Variants in ALDH1L1 observed in about 807,000 individuals in gnomAD.
The protein encoded by ALDH1L1 is cytosolic 10-formyltetrahydrofolate dehydrogenase.
ALDH1L1 carries 68 observed loss-of-function variants against 101.1 expected under a neutral mutation model. That is an observed-to-expected ratio of 0.67 (90% CI 0.55 to 0.82). The LOEUF (loss-of-function observed/expected upper bound fraction) is 0.82. Among genes scored for constraint, ALDH1L1 ranks in the 40% least tolerant of loss-of-function variants. The pLI is 0.00. For synonymous variants in ALDH1L1, 486 were observed against 470.8 expected, an observed-to-expected ratio of 1.03 and a Z score of -0.42; for missense variants, 1,087 against 1,172.7, an observed-to-expected ratio of 0.93 and a Z score of 1.07.
intron 1 of ALDH1L1, 131 bp downstream of exon 1, chr3:126,180,345 G>T: frequency 1.5e-6 from 1 of 667,436 alleles, no homozygotes; most frequent in Non-Finnish European, 1.9e-6. Flanking sequence ...GAAGTTGATG[G>T]GCCCCGCAGG....
At chr3:126,152,276 C>T (rs4646716) in intron 7 of ALDH1L1, 22,912 of 152,208 alleles carry the variant, frequency 0.15, 1,777 homozygotes, top group East Asian at 0.22. Context: ...CCAGGCTAGA[C>T]TTCTCCTGAA....
intron 1 of ALDH1L1, among the ~76,000 whole-genome samples, chr3:126,177,246 G>A (rs570256494): frequency 2.6e-5 from 4 of 152,298 alleles, no homozygotes; most frequent in African/African-American, 9.6e-5. Context: ...ACAAAAACCT[G>A]CACACAAATG....
chr3:126,187,316 A>G (rs2081525871), intron 1 of ALDH1L1, among the ~76,000 whole-genome samples: 1 of 152,086 alleles, frequency 6.6e-6, no homozygotes, highest in Non-Finnish European at 1.5e-5. Flanking sequence ...ACAGCATCAT[A>G]ACCAGAAGGA....
intron 1 of ALDH1L1, among the ~76,000 whole-genome samples, chr3:126,191,803 A>G (rs954288586): frequency 7.2e-5 from 11 of 152,192 alleles, no homozygotes; most frequent in Non-Finnish European, 1.6e-4. Flanking sequence ...CTTTATGTGC[A>G]AGTTGCTGTA....
At chr3:126,110,246 T>G in intron 19 of ALDH1L1, 137 bp from the exon 20 acceptor site, 1 of 1,144,160 alleles carries the variant, frequency 8.7e-7, no homozygotes, top group Non-Finnish European at 1.2e-6. Flanking sequence ...TTCTGAATTC[T>G]GACTCTAAAT....
rs559666462 is a variant in ALDH1L1 at position 126,131,602 on chromosome 3, C to G, written c.1473-68G>C. On this transcript the variant is annotated intron_variant, in intron 12 of 22. Coordinates refer to ENST00000393434, the MANE Select transcript of ALDH1L1 (RefSeq NM_012190.4). ...CACGGCCTCATCTGCCCTCACAAGG[C>G]CCTTCTTCAAGGAGCTGGGGTCCTG... 35 of 1,526,192 alleles carry G rather than the reference C, an allele frequency of 2.3e-5. 1 individual carries two copies. The South Asian group carries it at 4.0e-4, about 17-fold the overall frequency. 94.5% of individuals were successfully genotyped at this position (1,526,192 alleles called of 1,614,324 possible). A position where few individuals can be genotyped will look rare whatever the true frequency, so the allele number is the denominator to read the frequency against.
intron 8 of ALDH1L1, 76 bp from the exon 9 acceptor site, chr3:126,147,002 G>T: frequency 7.1e-7 from 1 of 1,404,498 alleles, no homozygotes. Context: ...AACAACCCCT[G>T]AACAGACTCA....
intron 1 of ALDH1L1, among the ~76,000 whole-genome samples, chr3:126,172,833 T>A (rs528755148): frequency 6.7e-6 from 1 of 150,270 alleles, no homozygotes; most frequent in Admixed American, 6.6e-5. Context: ...AGAGATAATC[T>A]TCAGTGAAGC....
chr3:126,124,447 G>A lies in ALDH1L1; in HGVS notation c.1805C>T (p.Thr602Ile). The change falls in exon 16 of 23, where the codon ACC becomes ATC. Residue 602 changes from threonine (T) to isoleucine (I), a missense_variant. Around this residue, in one of 2 missense-constraint regions of ALDH1L1, gnomAD observed 442 missense variants for 535.7 expected, o/e 0.83. Coordinates refer to ENST00000393434, the MANE Select transcript of ALDH1L1 (RefSeq NM_012190.4). ...TGCAAACTTCAAGGCTGTGAGTGGGGTCACCTGGGTGTGGGGCCAGGAAAG... is the reference window on the plus strand; with the variant it reads ...TGCAAACTTCAAGGCTGTGAGTGGGATCACCTGGGTGTGGGGCCAGGAAAG... ...NTVVIKPAQV[T>I]PLTALKFAEL... 4.3e-6 allele frequency: 7 copies of A among 1,609,886 alleles called. No homozygotes were observed. Among genetic ancestry groups the A allele is most frequent in the Non-Finnish European group, 5.9e-6 (7 of 1,178,186 alleles).
chr3:126,142,227 C>A (rs1284310278), intron 9 of ALDH1L1, among the ~76,000 whole-genome samples: 1 of 148,366 alleles, frequency 6.7e-6, no homozygotes, highest in Non-Finnish European at 1.5e-5. Flanking sequence ...AAAGAAAAGC[C>A]CAGGGCTGAA....
intron 9 of ALDH1L1, among the ~76,000 whole-genome samples, chr3:126,145,412 C>T (rs1157868558): frequency 6.6e-6 from 1 of 152,200 alleles, no homozygotes; most frequent in Non-Finnish European, 1.5e-5. Context: ...CATTGATTCA[C>T]AACAGCCAAG....
At chr3:126,191,952 G>A (rs745377470) in intron 1 of ALDH1L1, among the ~76,000 whole-genome samples, 1 of 152,148 alleles carries the variant, frequency 6.6e-6, no homozygotes, top group Non-Finnish European at 1.5e-5. Context: ...GAAAAATAAG[G>A]AGGCGCTTCA....
intron 18 of ALDH1L1, among the ~76,000 whole-genome samples, chr3:126,113,730 G>A (rs1246683320): frequency 1.3e-5 from 2 of 152,222 alleles, no homozygotes; most frequent in Non-Finnish European, 2.9e-5. Flanking sequence ...AACTTAGATA[G>A]GGCCGGGGGC....
chr3:126,157,473 G>A lies in ALDH1L1; in HGVS notation c.398C>T (p.Ser133Phe). Residue 133 changes from serine (S) to phenylalanine (F), a missense_variant, in exon 4 of 23, where the codon TCC (serine) becomes TTC (phenylalanine). Ser to Phe is a radical substitution (Grantham distance 155). Coordinates refer to ENST00000393434, the MANE Select transcript of ALDH1L1 (RefSeq NM_012190.4). ...CAGACCATCATCCGCCCAGAAGATGGAAAACCCCCCTTTCTTATCTCCGTG... is the reference window on the plus strand; with the variant it reads ...CAGACCATCATCCGCCCAGAAGATGAAAAACCCCCCTTTCTTATCTCCGTG... ...LIHGDKKGGF[S>F]IFWADDGLDT... The A allele has an allele frequency of 1.2e-6, 2 of 1,614,086 alleles. No individual in the cohort carries two copies. The highest frequency in any genetic ancestry group is 1.7e-6 in the Non-Finnish European group (2 of 1,180,008).
intron 8 of ALDH1L1, among the ~76,000 whole-genome samples, chr3:126,147,166 A>C (rs1576457203): frequency 6.6e-6 from 1 of 152,036 alleles, no homozygotes; most frequent in African/African-American, 2.4e-5. Context: ...CCTCATGCCC[A>C]CCTCACCTCA....
intron 2 of ALDH1L1, among the ~76,000 whole-genome samples, chr3:126,159,775 G>A (rs2108300365): frequency 6.6e-6 from 1 of 152,322 alleles, no homozygotes. Flanking sequence ...GGCTGTGGTG[G>A]GGTCAGGGTA....
At chr3:126,169,564 G>T (rs989918569) in intron 1 of ALDH1L1, among the ~76,000 whole-genome samples, 20 of 152,162 alleles carry the variant, frequency 1.3e-4, no homozygotes, top group South Asian at 4.1e-4. Flanking sequence ...CTGATGTGTG[G>T]TAAGTAAAGA....
chr3:126,173,744 T>C (rs1033400161), intron 1 of ALDH1L1, among the ~76,000 whole-genome samples: 1 of 152,066 alleles, frequency 6.6e-6, no homozygotes, highest in Admixed American at 6.6e-5. Flanking sequence ...AGGTTACAAA[T>C]AAAGGGATGG....
At chr3:126,180,438 G>T (rs1391577559) in intron 1 of ALDH1L1, 38 bp downstream of exon 1, 1 of 987,900 alleles carries the variant, frequency 1.0e-6, no homozygotes, top group Non-Finnish European at 1.2e-6. Flanking sequence ...CCTCCTTTCC[G>T]CCGGGAGTCC....
Sources: gnomAD v4.1 joint callset for allele counts (sites outside exome capture counted in the v4.1 genomes callset) on GRCh38, gnomAD v4.1.1 for gene constraint, gnomAD v4.1.1 regional missense constraint, MANE v1.5 for transcripts, NCBI Gene and HGNC (gene_info 2026-07-23, HGNC 2026-07-21) for gene names.